ANKRD29: variants seen among roughly 807,000 people sequenced by gnomAD.
ANKRD29 encodes the protein ankyrin repeat domain 29.
Under a neutral mutation model 38.0 loss-of-function variants are expected in ANKRD29, and 32 were observed. The ratio of observed to expected loss-of-function variants is 0.84; its 90% confidence interval spans 0.64 to 1.13. The LOEUF (loss-of-function observed/expected upper bound fraction) is 1.13, where lower values mean the gene tolerates loss of function less well. Ranked by LOEUF, ANKRD29 falls within the 50% of genes most tolerant of loss-of-function variation. The probability of loss-of-function intolerance (pLI) is 0.00; values close to 1 mark genes in which losing one functional copy is unlikely to be tolerated. For synonymous variants in ANKRD29, 135 were observed against 152.4 expected, an observed-to-expected ratio of 0.89 and a Z score of 0.84; for missense variants, 357 against 377.9, an observed-to-expected ratio of 0.94 and a Z score of 0.46.
At chr18:23,613,720 C>T (rs1293306686) in intron 8 of ANKRD29, among the ~76,000 whole-genome samples, 2 of 150,960 alleles carry the variant, frequency 1.3e-5, no homozygotes, top group African/African-American at 2.4e-5. Flanking sequence ...CTGCCTCAGT[C>T]TTCCAAGTAG....
At chr18:23,608,360 C>T (rs73392193) in intron 9 of ANKRD29, among the ~76,000 whole-genome samples, 4,678 of 152,254 alleles carry the variant, frequency 0.031, 228 homozygotes, top group African/African-American at 0.11. Context: ...CCTGGCGGCT[C>T]CTCCCAGGTG....
intron 9 of ANKRD29, among the ~76,000 whole-genome samples, chr18:23,607,761 G>A (rs1284356020): frequency 1.3e-5 from 2 of 152,160 alleles, no homozygotes; most frequent in African/African-American, 4.8e-5. Context: ...AGGCTATCTC[G>A]TTCATTATGG....
rs564089161 is a variant in ANKRD29, at chr18:23,616,586, A to AG, written c.723+1145_723+1146insC. 7.6e-3 allele frequency among the ~76,000 whole-genome samples: 1,083 copies of AG among 143,296 alleles called. 10 individuals are homozygous for AG. Among genetic ancestry groups the AG allele is most frequent in the Non-Finnish European group, 0.011 (737 of 66,728 alleles). 94.0% of individuals were successfully genotyped at this position (143,296 alleles called of 152,430 possible). A position where few individuals can be genotyped will look rare whatever the true frequency, so the allele number is the denominator to read the frequency against. Reference sequence around the variant, plus strand: ...TATACACTATATATACAGTATATATATATATATACTATATATACTATATAT... The same window carrying AG: ...TATACACTATATATACAGTATATATAGTATATATACTATATATACTATATAT... On this transcript the variant is annotated intron_variant, in intron 8 of 9. Coordinates refer to ENST00000592179, the MANE Select transcript of ANKRD29 (RefSeq NM_173505.4).
At chr18:23,643,082 C>A (rs1009066443) in intron 3 of ANKRD29, among the ~76,000 whole-genome samples, 1 of 152,204 alleles carries the variant, frequency 6.6e-6, no homozygotes, top group African/African-American at 2.4e-5. Context: ...TCTCTTTTGA[C>A]TTCTATCCTG....
At chr18:23,646,024 G>A (rs2060134893) in intron 3 of ANKRD29, among the ~76,000 whole-genome samples, 165 bp downstream of exon 3, 1 of 152,192 alleles carries the variant, frequency 6.6e-6, no homozygotes, top group African/African-American at 2.4e-5. Flanking sequence ...CATTATAACT[G>A]CTAGTACGTT....
chr18:23,612,249 G>A, intron 8 of ANKRD29, 59 bp from the exon 9 acceptor site: 1 of 1,462,336 alleles, frequency 6.8e-7, no homozygotes, highest in South Asian at 1.2e-5. Flanking sequence ...CATTCAGCAT[G>A]GCTTTCATCA....
chr18:23,661,504 G>A (rs1324249777), intron 1 of ANKRD29, among the ~76,000 whole-genome samples: 2 of 152,156 alleles, frequency 1.3e-5, no homozygotes, highest in Admixed American at 6.5e-5. Flanking sequence ...TCAGGAGTTC[G>A]AGACCAGCCT....
chr18:23,633,183 T>C (rs1408127490), intron 5 of ANKRD29, among the ~76,000 whole-genome samples: 1 of 152,228 alleles, frequency 6.6e-6, no homozygotes, highest in Non-Finnish European at 1.5e-5. Flanking sequence ...TGAAAGGCCC[T>C]TGGGTGATGA....
chr18:23,645,028 G>A (rs916996884), intron 3 of ANKRD29, among the ~76,000 whole-genome samples: 2 of 152,152 alleles, frequency 1.3e-5, no homozygotes, highest in African/African-American at 4.8e-5. Flanking sequence ...CGATATACTG[G>A]CTTGATGAAA....
chr18:23,615,740 T>C (rs187288069), intron 8 of ANKRD29, among the ~76,000 whole-genome samples: 1 of 152,120 alleles, frequency 6.6e-6, no homozygotes, highest in East Asian at 1.9e-4. Flanking sequence ...TGGTTACTTT[T>C]GGATTACCAC....
intron 8 of ANKRD29, among the ~76,000 whole-genome samples, chr18:23,615,821 G>A (rs1198773892): frequency 6.6e-6 from 1 of 150,882 alleles, no homozygotes; most frequent in Admixed American, 6.6e-5. Flanking sequence ...TCTGGTAACA[G>A]TAATATTCAC....
Position 23,646,342 on chromosome 18 carries a change from G to A in ANKRD29, c.133-55C>T. 3 of 1,506,610 alleles carry A rather than the reference G, an allele frequency of 2.0e-6. No homozygotes were observed. In the Admixed American group the frequency reaches 5.1e-5, roughly 25 times the overall value. The allele number at this position is 1,506,610 out of a possible 1,614,324, so 93.3% of individuals were successfully genotyped here. A position where few individuals can be genotyped will look rare whatever the true frequency, so the allele number is the denominator to read the frequency against. ...AGGCCACTGCTATGTCAGAGAGAAG[G>A]GTCCTAGAGAAGATGCTGCAGAGAT... is the stretch of plus-strand genomic sequence containing the variant. On this transcript the variant is annotated intron_variant, in intron 2 of 9. Coordinates refer to ENST00000592179, the MANE Select transcript of ANKRD29 (RefSeq NM_173505.4).
At chr18:23,642,753 G>A (rs1291244715) in intron 3 of ANKRD29, among the ~76,000 whole-genome samples, 1 of 152,162 alleles carries the variant, frequency 6.6e-6, no homozygotes, top group Non-Finnish European at 1.5e-5. Flanking sequence ...ACTTTAGGTG[G>A]GTAGGGACTT....
chr18:23,652,301 A>G (rs1254110082), intron 1 of ANKRD29, among the ~76,000 whole-genome samples: 1 of 152,148 alleles, frequency 6.6e-6, no homozygotes, highest in Non-Finnish European at 1.5e-5. Flanking sequence ...GGGCACTGGG[A>G]CGACCCCATT....
chr18:23,600,061 G>A lies in ANKRD29; in HGVS notation c.*1165C>T, dbSNP rs1410131461. ...CGTTTATTTTGGTAGATTACAGAAAGAAGGTTTTATTTTTGTATGTGCAGT... is the reference window on the plus strand; with the variant it reads ...CGTTTATTTTGGTAGATTACAGAAAAAAGGTTTTATTTTTGTATGTGCAGT... On this transcript the variant is annotated 3_prime_UTR_variant, in exon 10 of 10. Coordinates refer to ENST00000592179, the MANE Select transcript of ANKRD29 (RefSeq NM_173505.4). The A allele has an allele frequency of 6.6e-6, 1 of 152,376 alleles. No individual in the cohort carries two copies. The highest frequency in any genetic ancestry group is 1.5e-5 in the Non-Finnish European group (1 of 68,032). The allele number at this position is 152,376 out of a possible 1,614,324, so 9.4% of individuals were successfully genotyped here. A position where few individuals can be genotyped will look rare whatever the true frequency, so the allele number is the denominator to read the frequency against.
intron 6 of ANKRD29, among the ~76,000 whole-genome samples, chr18:23,629,048 G>A (rs899144876): frequency 2.0e-5 from 3 of 152,224 alleles, no homozygotes; most frequent in South Asian, 2.1e-4. Context: ...GCAGAGGCGC[G>A]ATCTCGGCTC....
chr18:23,612,277 A>C (rs1010674064), intron 8 of ANKRD29, 87 bp from the exon 9 acceptor site: 9 of 1,221,450 alleles, frequency 7.4e-6, no homozygotes, highest in Non-Finnish European at 1.1e-5. Flanking sequence ...TCTGGGTGAT[A>C]AGACTGTAAC....
chr18:23,638,778 T>C (rs1413887144), intron 4 of ANKRD29, 71 bp downstream of exon 4: 4 of 1,206,756 alleles, frequency 3.3e-6, no homozygotes, highest in Non-Finnish European at 4.7e-6. Flanking sequence ...GTACCATAGA[T>C]GAGGAGAAAA....
At chr18:23,609,665 T>C (rs2059616717) in intron 9 of ANKRD29, among the ~76,000 whole-genome samples, 1 of 152,218 alleles carries the variant, frequency 6.6e-6, no homozygotes. Flanking sequence ...TCCATTATTC[T>C]AGGAGACACA....
Sources: allele counts gnomAD v4.1 joint callset (sites outside exome capture counted in the v4.1 genomes callset), GRCh38; gene constraint gnomAD v4.1.1; transcripts MANE v1.5; gene names NCBI Gene and HGNC (gene_info 2026-07-23, HGNC 2026-07-21).